The following MTOR variants were observed in gnomAD, a reference collection of about 807,000 sequenced individuals.
The protein encoded by MTOR is mechanistic target of rapamycin kinase.
MTOR carries 70 observed loss-of-function variants against 319.8 expected under a neutral mutation model. The ratio of observed to expected loss-of-function variants is 0.22; its 90% CI spans 0.18 to 0.27. The LOEUF (loss-of-function observed/expected upper bound fraction) is 0.27. Among genes scored for constraint, MTOR ranks in the 10% least tolerant of loss-of-function variants. The pLI is 1.00. For synonymous variants in MTOR, 1,183 were observed against 1,211.4 expected (o/e 0.98, Z 0.49); for missense variants, 1,890 against 3,274.4 (o/e 0.58, Z 10.32).
chr1:11,138,176 G>GCTATA (rs1643518504), intron 36 of MTOR, among the ~76,000 whole-genome samples: 1 of 152,236 alleles, frequency 6.6e-6, no homozygotes. Context: ...AGACTTGGAG[G>GCTATA]CTATACATAG....
intron 51 of MTOR, 31 bp from the exon 52 acceptor site, chr1:11,114,918 C>T (rs1483056397): frequency 6.2e-7 from 1 of 1,601,134 alleles, no homozygotes; most frequent in East Asian, 2.2e-5. Context: ...AAAGCCAAAT[C>T]AATGTTTATT....
intron 38 of MTOR, chr1:11,131,920 G>A (rs1239458200): frequency 6.6e-6 from 1 of 152,176 alleles, no homozygotes; most frequent in Admixed American, 6.5e-5. Context: ...TTTACTTGAT[G>A]AGTAAGAATT....
At chr1:11,161,234 C>T (rs970173108) in intron 29 of MTOR, among the ~76,000 whole-genome samples, 1 of 152,142 alleles carries the variant, frequency 6.6e-6, no homozygotes, top group Non-Finnish European at 1.5e-5. Flanking sequence ...ACGAGGCTGG[C>T]GGAGGGGTGC....
chr1:11,194,740 T>C, intron 28 of MTOR: 2 of 1,602,226 alleles, frequency 1.2e-6, no homozygotes, highest in Non-Finnish European at 1.7e-6. Context: ...GAATTATAAC[T>C]GTACAGTTGA....
intron 56 of MTOR, 63 bp from the exon 57 acceptor site, chr1:11,108,349 C>T (rs1641678615): frequency 5.5e-6 from 7 of 1,283,188 alleles, no homozygotes; most frequent in Non-Finnish European, 6.8e-6. Flanking sequence ...TTCTTGTTCC[C>T]TGTGGGCTTA....
chr1:11,128,450 A>G lies in MTOR; in HGVS notation c.5910+4T>C. On this transcript the variant is annotated splice_donor_region_variant and intron_variant, in intron 42 of 57. Coordinates refer to ENST00000361445, the MANE Select transcript of MTOR (RefSeq NM_004958.4). The surrounding 1 kb of genome is among the most constrained non-coding windows in gnomAD (Gnocchi z 5.3). ...ATGAGAAACTGCCCAGAGTCTCCAC[A>G]TACCTGGGGGTGGTACCGACCAATG... 1 of 1,613,694 alleles carries G rather than the reference A, an allele frequency of 6.2e-7. No homozygotes were observed. Among genetic ancestry groups the G allele is most frequent in the South Asian group, 1.1e-5 (1 of 91,078 alleles).
intron 32 of MTOR, chr1:11,145,425 G>T (rs1267050085): frequency 9.2e-6 from 2 of 217,772 alleles, no homozygotes; most frequent in Non-Finnish European, 1.9e-5. Context: ...CACCCAGGCT[G>T]GAGTGCAGTG....
At chr1:11,262,060 G>A (rs1651207434) in intron 1 of MTOR, among the ~76,000 whole-genome samples, 1 of 152,206 alleles carries the variant, frequency 6.6e-6, no homozygotes. Flanking sequence ...ATCTCTGAGA[G>A]GTGTCCACAG....
At chr1:11,147,328 C>T (rs1232127616) in intron 31 of MTOR, among the ~76,000 whole-genome samples, 7 of 152,260 alleles carry the variant, frequency 4.6e-5, no homozygotes, top group Middle Eastern at 3.4e-3. Flanking sequence ...ATATTTTAAG[C>T]GACTCCATTA....
chr1:11,150,763 A>T (rs1420052525), intron 30 of MTOR, among the ~76,000 whole-genome samples: 1 of 152,216 alleles, frequency 6.6e-6, no homozygotes, highest in African/African-American at 2.4e-5. Flanking sequence ...AATTTTGCAC[A>T]ATTGCTGAAT....
In MTOR at chr1:11,190,063, C is replaced by T. The variant is rs571813536; in HGVS notation, c.4253+9195G>A. On this transcript the variant is annotated intron_variant, in intron 28 of 57. Transcript: ENST00000361445. ...ACTACTGGGGCCTCTTTTGTGGGTA[C>T]ACTTTCCCTTTAGTAAAGGCTTATG... The T allele has an allele frequency of 3.1e-5, 41 of 1,332,912 alleles. No homozygotes were observed. The South Asian group carries it at 3.1e-4, about 10-fold the overall frequency. 82.6% of individuals were successfully genotyped at this position (1,332,912 alleles called of 1,614,324 possible).
chr1:11,236,568 C>T (rs1569731111), intron 13 of MTOR, among the ~76,000 whole-genome samples: 1 of 147,908 alleles, frequency 6.8e-6, no homozygotes, highest in East Asian at 2.0e-4. Context: ...AGTGCAGTGG[C>T]GCGCTCTCGG....
At chr1:11,238,317 G>C in intron 12 of MTOR, 85 bp downstream of exon 12, 1 of 1,391,908 alleles carries the variant, frequency 7.2e-7, no homozygotes, top group Non-Finnish European at 1.0e-6. Context: ...AAGAACTCTA[G>C]AGAGGCCATG....
intron 8 of MTOR, among the ~76,000 whole-genome samples, chr1:11,245,671 A>C (rs1648712245): frequency 6.6e-6 from 1 of 152,190 alleles, no homozygotes; most frequent in Non-Finnish European, 1.5e-5. Context: ...AGGCCAAGGC[A>C]GGAGAATTGC....
Position 11,212,163 on chromosome 1 carries a change from G to A in MTOR, c.3561+149C>T. 1 of 948,978 alleles carries A rather than the reference G, an allele frequency of 1.1e-6. No individual in the cohort carries two copies. Among genetic ancestry groups the A allele is most frequent in the Non-Finnish European group, 1.5e-6 (1 of 645,956 alleles). 58.8% of individuals were successfully genotyped at this position (948,978 alleles called of 1,614,324 possible). A position where few individuals can be genotyped will look rare whatever the true frequency, so the allele number is the denominator to read the frequency against. On this transcript the variant is annotated intron_variant, in intron 23 of 57. Transcript: ENST00000361445. The surrounding 1 kb of genome is among the most constrained non-coding windows in gnomAD (Gnocchi z 4.1). The stretch of plus-strand genomic sequence containing the variant: ...AGCTCACATAGGTTGCTCAATAAAT[G>A]TTTGCTGAACACATGAAAAGAAAAA...
rs1458034649 is a variant in MTOR, at chr1:11,133,092, G to C, written c.5352C>G (p.Arg1784=). Residue 1784 remains arginine (R), a synonymous_variant, in exon 38 of 58, where the codon CGC becomes CGG. Coordinates refer to ENST00000361445, the MANE Select transcript of MTOR (RefSeq NM_004958.4). This position sits in a 1 kb window ranked among gnomAD's most constrained non-coding sequence, Gnocchi z 4.0. The stretch of plus-strand genomic sequence containing the variant: ...TGCTTCTGATCACCTTGTACCAGCT[G>C]CGGTCGTGCTCTGTGGCGGCGCTGT... ...QYYSAATEHD[R]SWYKAWHAWA... 6.2e-7 allele frequency: 1 copy of C among 1,614,116 alleles called. No homozygotes were observed. Among genetic ancestry groups the C allele is most frequent in the South Asian group, 1.1e-5 (1 of 91,072 alleles).
intron 46 of MTOR, among the ~76,000 whole-genome samples, chr1:11,125,359 A>G (rs1642770825): frequency 6.6e-6 from 1 of 152,230 alleles, no homozygotes; most frequent in Non-Finnish European, 1.5e-5. Context: ...GCTCATGCAG[A>G]GATAATCACC....
chr1:11,163,237 T>G (rs1269084759), intron 29 of MTOR, among the ~76,000 whole-genome samples: 1 of 152,174 alleles, frequency 6.6e-6, no homozygotes, highest in Non-Finnish European at 1.5e-5. Context: ...AAGAGCTAAC[T>G]ATCCTAAATA....
chr1:11,238,528 A>C lies in MTOR; in HGVS notation c.1876T>G (p.Cys626Gly). 6.2e-7 allele frequency: 1 copy of C among 1,614,234 alleles called. No individual in the cohort carries two copies. The highest frequency in any genetic ancestry group is 1.1e-5 in the South Asian group (1 of 91,084). Residue 626 changes from cysteine to glycine, a missense_variant, in exon 12 of 58, where the codon TGC becomes GGC. This residue lies in a region of MTOR where 418 missense variants were observed against 543.1 expected (regional missense o/e 0.77). Coordinates refer to ENST00000361445, the MANE Select transcript of MTOR (RefSeq NM_004958.4). Reference sequence around the variant, plus strand: ...ATGGAGGGTGTGAGCAGGCGGGAGCAGGTGCGGGCAGCCTCCATGCGGATC... The same window carrying C: ...ATGGAGGGTGTGAGCAGGCGGGAGCCGGTGCGGGCAGCCTCCATGCGGATC... ...KEIRMEAART[C>G]SRLLTPSIHL...
Sources: allele counts gnomAD v4.1 joint callset (sites outside exome capture counted in the v4.1 genomes callset), GRCh38; gene constraint gnomAD v4.1.1; regional missense constraint gnomAD v4.1.1; non-coding constraint Gnocchi (gnomAD v3.1); transcripts MANE v1.5; gene names NCBI Gene and HGNC (gene_info 2026-07-23, HGNC 2026-07-21).